The following NCAM1 variants were observed in gnomAD, a reference collection of about 807,000 sequenced individuals.
NCAM1 encodes antigen recognized by monoclonal antibody 5.1H11.
In NCAM1, 14 loss-of-function variants were observed where a neutral mutation model predicts 109.8. The observed-to-expected ratio is 0.13, with a 90% CI of 0.08 to 0.20. The LOEUF is 0.20. Ranked by LOEUF, NCAM1 falls within the 10% of genes least tolerant of loss-of-function variation. The pLI is 1.00. For missense variants in NCAM1, 774 were observed against 1,109.9 expected (o/e 0.70, Z 4.30); for synonymous variants, 418 against 442.9 (o/e 0.94, Z 0.70).
At chr11:113,135,008 G>A (rs2136150720) in intron 1 of NCAM1, among the ~76,000 whole-genome samples, 1 of 152,090 alleles carries the variant, frequency 6.6e-6, no homozygotes, top group Middle Eastern at 3.4e-3. Flanking sequence ...AGGGCTATGG[G>A]AACAAGACCT....
At chr11:113,026,824 T>A (rs1183549637) in intron 1 of NCAM1, among the ~76,000 whole-genome samples, 1 of 152,186 alleles carries the variant, frequency 6.6e-6, no homozygotes, top group African/African-American at 2.4e-5. Context: ...GACGTTTTAA[T>A]CTCTATTTTA....
Position 112,961,557 on chromosome 11 carries a change from G to GA in NCAM1, c.-56_-55insA, listed in dbSNP as rs781852393. ...AGCCGCCGTCCACACTCGCTGCAGG[G>GA]GGGGGGGCACAGAATTTACCGCGGC... On this transcript the variant is annotated 5_prime_UTR_variant, in exon 1 of 20. Coordinates refer to ENST00000316851, the MANE Select transcript of NCAM1 (RefSeq NM_181351.5). 4.5e-6 allele frequency: 5 copies of GA among 1,121,038 alleles called. No homozygotes were observed. The Admixed American group carries it at 5.1e-5, about 11-fold the overall frequency. The allele number at this position is 1,121,038 out of a possible 1,614,324, so 69.4% of individuals were successfully genotyped here.
At chr11:113,242,939 T>C (rs1945377595) in intron 14 of NCAM1, 1 of 1,603,418 alleles carries the variant, frequency 6.2e-7, no homozygotes, top group African/African-American at 1.3e-5. Flanking sequence ...TGTTTTCCCT[T>C]TTATTAAAAG....
At chr11:113,210,032 A>C (rs1363921988) in intron 7 of NCAM1, among the ~76,000 whole-genome samples, 1 of 152,152 alleles carries the variant, frequency 6.6e-6, no homozygotes, top group African/African-American at 2.4e-5. Context: ...TCACAGATAG[A>C]TCCCCAGCAC....
chr11:113,264,918 C>A, intron 17 of NCAM1: 1 of 985,744 alleles, frequency 1.0e-6, no homozygotes, highest in Non-Finnish European at 1.2e-6. Flanking sequence ...CAGCCCCAGC[C>A]CCGCCAGGAG....
chr11:113,134,116 A>G (rs1334996625), intron 1 of NCAM1, among the ~76,000 whole-genome samples: 2 of 152,178 alleles, frequency 1.3e-5, no homozygotes, highest in East Asian at 1.9e-4. Context: ...CTGCAAGTCT[A>G]TACCCATTAA....
At chr11:113,145,506 A>G (rs1444772625) in intron 1 of NCAM1, among the ~76,000 whole-genome samples, 4 of 152,234 alleles carry the variant, frequency 2.6e-5, no homozygotes, top group African/African-American at 9.6e-5. Flanking sequence ...TATCCATATT[A>G]ATGAAGACAA....
intron 1 of NCAM1, among the ~76,000 whole-genome samples, chr11:113,136,447 C>T (rs1231697051): frequency 6.6e-6 from 1 of 152,116 alleles, no homozygotes; most frequent in Admixed American, 6.5e-5. Context: ...GGTGCAGGAG[C>T]AAGGCCCCCC....
chr11:113,073,038 G>A (rs1425472570), intron 1 of NCAM1, among the ~76,000 whole-genome samples: 40 of 151,902 alleles, frequency 2.6e-4, no homozygotes, highest in African/African-American at 4.8e-5. Context: ...CCTGGCAACC[G>A]CCGTTCTACT....
At chr11:113,199,050 C>A (rs1354163201) in intron 1 of NCAM1, among the ~76,000 whole-genome samples, 1 of 152,106 alleles carries the variant, frequency 6.6e-6, no homozygotes, top group Non-Finnish European at 1.5e-5. Context: ...GCCTCTTGTC[C>A]CTGCCCCTGG....
At chr11:113,166,066 C>T (rs1255159989) in intron 1 of NCAM1, among the ~76,000 whole-genome samples, 4 of 152,056 alleles carry the variant, frequency 2.6e-5, no homozygotes, top group Admixed American at 6.5e-5. Flanking sequence ...CTCCTGACCT[C>T]GTGATCTGCC....
At chr11:112,970,049 C>CCTGTT (rs1379940060) in intron 1 of NCAM1, among the ~76,000 whole-genome samples, 9 of 152,068 alleles carry the variant, frequency 5.9e-5, no homozygotes, top group African/African-American at 1.9e-4. Context: ...GGAGAGAGGG[C>CCTGTT]CTGTTTTCCT....
At position 112,974,811 on chromosome 11, in the gene NCAM1, T is replaced by TTGTG. The variant is rs34881446; in HGVS notation, c.52+13165_52+13168dup. ...CTGCCACCCTCCTGTAGCTTACAGT[T>TTGTG]TGTGTGTGTGTGTGTGTGTGTATGT... On this transcript the variant is annotated intron_variant, in intron 1 of 19. Transcript: ENST00000316851. Among the ~76,000 whole-genome samples the TTGTG allele has an allele frequency of 7.3e-4, 109 of 148,654 alleles. 1 individual carries two copies. Among genetic ancestry groups the TTGTG allele is most frequent in the East Asian group, 6.0e-3 (30 of 5,010 alleles).
intron 1 of NCAM1, among the ~76,000 whole-genome samples, chr11:113,063,265 T>A (rs545068766): frequency 2.6e-5 from 4 of 152,292 alleles, no homozygotes; most frequent in Admixed American, 2.0e-4. Flanking sequence ...AGATAGCACT[T>A]TCCTGAGATT....
chr11:113,246,189 C>T (rs1945498785), intron 14 of NCAM1, 179 bp from the exon 15 acceptor site: 1 of 548,198 alleles, frequency 1.8e-6, no homozygotes. Context: ...TTTATTTAGT[C>T]TGTGATTTTG....
intron 1 of NCAM1, among the ~76,000 whole-genome samples, chr11:112,982,050 T>G (rs544694067): frequency 6.6e-6 from 1 of 152,018 alleles, no homozygotes; most frequent in African/African-American, 2.4e-5. Context: ...GCAAGAAGTT[T>G]GTAACTTCCT....
At chr11:113,264,824 C>A in intron 17 of NCAM1, 1 of 985,438 alleles carries the variant, frequency 1.0e-6, no homozygotes, top group African/African-American at 1.7e-5. Context: ...TAGACAGACC[C>A]ACGGCTTGTA....
chr11:113,054,519 A>T (rs533120446), intron 1 of NCAM1, among the ~76,000 whole-genome samples: 8 of 152,336 alleles, frequency 5.3e-5, no homozygotes, highest in African/African-American at 1.2e-4. Flanking sequence ...TTCTAATTGC[A>T]GATAATGGCT....
chr11:113,226,018 C>A (rs1482775185), intron 9 of NCAM1, among the ~76,000 whole-genome samples: 1 of 152,212 alleles, frequency 6.6e-6, no homozygotes, highest in African/African-American at 2.4e-5. Flanking sequence ...GAAGAAACTG[C>A]ATCAACTAAC....
Sources: allele counts gnomAD v4.1 joint callset (sites outside exome capture counted in the v4.1 genomes callset), GRCh38; gene constraint gnomAD v4.1.1; transcripts MANE v1.5; gene names NCBI Gene and HGNC (gene_info 2026-07-23, HGNC 2026-07-21).